The following PPARA variants were observed in gnomAD, a reference collection of about 807,000 sequenced individuals.
The protein encoded by PPARA is peroxisome proliferator activated receptor alpha.
PPARA carries 22 observed loss-of-function variants against 42.2 expected under a neutral mutation model. That is an observed-to-expected ratio of 0.52 (90% CI 0.37 to 0.74). The LOEUF (loss-of-function observed/expected upper bound fraction) is 0.74. Ranked by LOEUF, PPARA falls within the 30% of genes least tolerant of loss-of-function variation. The pLI, the probability that PPARA is intolerant of heterozygous loss-of-function variation, is 0.00. For missense variants in PPARA, 465 were observed against 608.2 expected (o/e 0.76, Z 2.48); for synonymous variants, 242 against 239.3 (o/e 1.01, Z -0.10).
intron 4 of PPARA, among the ~76,000 whole-genome samples, chr22:46,214,296 C>A (rs1934227048): frequency 6.6e-6 from 1 of 150,542 alleles, no homozygotes. Context: ...TGTGCGGGCC[C>A]GAGATGTGCG....
chr22:46,170,318 G>C (rs184315815), intron 2 of PPARA, among the ~76,000 whole-genome samples: 4 of 149,944 alleles, frequency 2.7e-5, no homozygotes, highest in East Asian at 3.9e-4. Context: ...GTGTGATCTT[G>C]GCTCACTCCT....
rs545674399 is a variant in PPARA, at chr22:46,180,629, C to T, written c.-43+3793C>T. Among the ~76,000 whole-genome samples the T allele has an allele frequency of 1.3e-5, 2 of 152,292 alleles. No individual in the cohort carries two copies. Among genetic ancestry groups the T allele is most frequent in the East Asian group, 1.9e-4 (1 of 5,192 alleles). ...GGCCTTTATTCTCACTTCTGTATGC[C>T]TGCTTCCTGCCTCACATATTTCCTG... On this transcript the variant is annotated intron_variant, in intron 3 of 8. Coordinates refer to ENST00000407236, the MANE Select transcript of PPARA (RefSeq NM_005036.6). This position sits in a 1 kb window ranked among gnomAD's most constrained non-coding sequence, Gnocchi z 4.2.
Position 46,196,982 on chromosome 22 carries a change from A to G in PPARA, c.-42-1360A>G, listed in dbSNP as rs1932317775. On this transcript the variant is annotated intron_variant, in intron 3 of 8. Transcript: ENST00000407236. The surrounding 1 kb of genome is among the most constrained non-coding windows in gnomAD (Gnocchi z 5.6). ...GTGATCTGCCCACCTGGGCCTCCCA[A>G]AGTGCTGGGATTACAGGCATGAGCC... is the stretch of plus-strand genomic sequence containing the variant. Among the ~76,000 whole-genome samples, 1 of 151,868 alleles carries G rather than the reference A, an allele frequency of 6.6e-6. No homozygotes were observed. The highest frequency in any genetic ancestry group is 1.5e-5 in the Non-Finnish European group (1 of 67,986).
chr22:46,218,432 G>A, intron 6 of PPARA, 31 bp downstream of exon 6: 1 of 1,613,884 alleles, frequency 6.2e-7, no homozygotes, highest in Non-Finnish European at 8.5e-7. Context: ...CATTTTCCCA[G>A]TTCGTTCCTC....
In PPARA at chr22:46,222,625, C is replaced by A. The variant is rs530979039; in HGVS notation, c.711+2611C>A. On this transcript the variant is annotated intron_variant, in intron 7 of 8. Transcript: ENST00000407236. The surrounding 1 kb of genome is among the most constrained non-coding windows in gnomAD (Gnocchi z 5.9). ...ATTACGAGAGTGAAAGAAAAGGTAACTTTTAGCTTCGAGTCTCTATCCTGG... is the reference window on the plus strand; with the variant it reads ...ATTACGAGAGTGAAAGAAAAGGTAAATTTTAGCTTCGAGTCTCTATCCTGG... 7.2e-5 allele frequency among the ~76,000 whole-genome samples: 11 copies of A among 152,200 alleles called. No individual in the cohort carries two copies. The highest frequency in any genetic ancestry group is 1.3e-4 in the Non-Finnish European group (9 of 68,042).
Position 46,200,817 on chromosome 22 carries a change from G to A in PPARA, c.208+2226G>A, listed in dbSNP as rs1460790512. On this transcript the variant is annotated intron_variant, in intron 4 of 8. Coordinates refer to ENST00000407236, the MANE Select transcript of PPARA (RefSeq NM_005036.6). The surrounding 1 kb of genome is among the most constrained non-coding windows in gnomAD (Gnocchi z 4.8). ...CCTGTAATCCCAGCTACTCTACTCA[G>A]GAGGCTGAGGCAGGGAGAATTGCTT... 6.6e-6 allele frequency among the ~76,000 whole-genome samples: 1 copy of A among 152,076 alleles called. No individual in the cohort carries two copies. Among genetic ancestry groups the A allele is most frequent in the Non-Finnish European group, 1.5e-5 (1 of 68,020 alleles).
intron 4 of PPARA, among the ~76,000 whole-genome samples, chr22:46,207,665 ATTATTATTATTATT>A (rs1384518667): frequency 2.4e-5 from 2 of 83,958 alleles, no homozygotes; most frequent in African/African-American, 1.0e-4. Context: ...TATTATTATT[ATTATTATTATTATT>A]TTTTTTTTTT....
rs752769361 is a variant in PPARA at position 46,219,881 on chromosome 22, A to G, written c.578A>G (p.His193Arg). The G allele has an allele frequency of 4.3e-6, 7 of 1,614,228 alleles. No homozygotes were observed. The highest frequency in any genetic ancestry group is 3.3e-5 in the South Asian group (3 of 91,082). Residue 193 changes from histidine (H) to arginine (R), a missense_variant, in exon 7 of 9, where the codon CAT (histidine) becomes CGT (arginine). His to Arg is a conservative substitution (Grantham distance 29, BLOSUM62 0). Transcript: ENST00000407236. This position sits in a 1 kb window ranked among gnomAD's most constrained non-coding sequence, Gnocchi z 4.8. Reference sequence around the variant, plus strand: ...AAAGCAGAAATTCTTACCTGTGAACATGACATAGAAGATTCTGAAACTGCA... The same window carrying G: ...AAAGCAGAAATTCTTACCTGTGAACGTGACATAGAAGATTCTGAAACTGCA... Reference protein sequence around the residue: ...KLKAEILTCEHDIEDSETADL... With the variant: ...KLKAEILTCERDIEDSETADL...
In PPARA at chr22:46,216,567, C is replaced by G. The variant is rs1402342401; in HGVS notation, c.369+1234C>G. ...AGACACAGAGTATCTTGCTTAGGGT[C>G]CCACAGCCCCCAGCAGCAGGGACTG... On this transcript the variant is annotated intron_variant, in intron 5 of 8. Coordinates refer to ENST00000407236, the MANE Select transcript of PPARA (RefSeq NM_005036.6). The surrounding 1 kb of genome is among the most constrained non-coding windows in gnomAD (Gnocchi z 4.5). 6.6e-6 allele frequency among the ~76,000 whole-genome samples: 1 copy of G among 152,166 alleles called. No homozygotes were observed. Among genetic ancestry groups the G allele is most frequent in the African/African-American group, 2.4e-5 (1 of 41,446 alleles).
rs1935401033 is a variant in PPARA, at chr22:46,225,920, CACAT to C, written c.712-5871_712-5868del. On this transcript the variant is annotated intron_variant, in intron 7 of 8. Coordinates refer to ENST00000407236, the MANE Select transcript of PPARA (RefSeq NM_005036.6). The surrounding 1 kb of genome is among the most constrained non-coding windows in gnomAD (Gnocchi z 4.1). Reference sequence around the variant, plus strand: ...GTACCCACACCTGTGTGTACACACACACATGCATGCTCACACACATGCACCCAGG... The same window carrying C: ...GTACCCACACCTGTGTGTACACACACGCATGCTCACACACATGCACCCAGG... Among the ~76,000 whole-genome samples the C allele has an allele frequency of 6.6e-6, 1 of 151,982 alleles. No homozygotes were observed. Among genetic ancestry groups the C allele is most frequent in the African/African-American group, 2.4e-5 (1 of 41,382 alleles).
chr22:46,174,913 T>C (rs558437287), intron 2 of PPARA, among the ~76,000 whole-genome samples: 31 of 152,062 alleles, frequency 2.0e-4, no homozygotes, highest in Non-Finnish European at 3.8e-4. Flanking sequence ...TGTAGTTTTT[T>C]TTACTTTTTT....
At chr22:46,207,120 G>A (rs1459668666) in intron 4 of PPARA, among the ~76,000 whole-genome samples, 1 of 151,618 alleles carries the variant, frequency 6.6e-6, no homozygotes, top group African/African-American at 2.4e-5. Context: ...CTACTTGGGA[G>A]GCTGAGACAG....
chr22:46,168,510 CAT>C (rs1927475569), intron 2 of PPARA, among the ~76,000 whole-genome samples: 1 of 151,366 alleles, frequency 6.6e-6, no homozygotes, highest in African/African-American at 2.4e-5. Flanking sequence ...ATTTACAAAA[CAT>C]ATATCTGACA....
At chr22:46,201,329 G>A (rs1288196737) in intron 4 of PPARA, among the ~76,000 whole-genome samples, 1 of 152,212 alleles carries the variant, frequency 6.6e-6, no homozygotes, top group Admixed American at 6.5e-5. Flanking sequence ...GAGGACTCTG[G>A]GGGGCCTTTG....
At chr22:46,217,372 C>T (rs1312458065) in intron 5 of PPARA, among the ~76,000 whole-genome samples, 1 of 152,180 alleles carries the variant, frequency 6.6e-6, no homozygotes, top group Non-Finnish European at 1.5e-5. Flanking sequence ...GAAAAAGCTC[C>T]TTATAAAGTG....
intron 7 of PPARA, among the ~76,000 whole-genome samples, chr22:46,226,116 C>T (rs1935427450): frequency 6.6e-6 from 1 of 152,228 alleles, no homozygotes; most frequent in African/African-American, 2.4e-5. Context: ...CTTATGCACA[C>T]ATGTACCCAC....
chr22:46,230,210 A>G lies in PPARA; in HGVS notation c.712-1582A>G, dbSNP rs371195445. Among the ~76,000 whole-genome samples, 13 of 152,278 alleles carry G rather than the reference A, an allele frequency of 8.5e-5. No individual in the cohort carries two copies. The East Asian group carries it at 2.3e-3, about 27-fold the overall frequency. On this transcript the variant is annotated intron_variant, in intron 7 of 8. Coordinates refer to ENST00000407236, the MANE Select transcript of PPARA (RefSeq NM_005036.6). The surrounding 1 kb of genome is among the most constrained non-coding windows in gnomAD (Gnocchi z 5.0). ...AACATGGTGTAACCCCGTCTCTACT[A>G]AAAATACAAAATTAGCTGGGCGTGG...
rs1928398139 is a variant in PPARA at position 46,173,417 on chromosome 22, G to A, written c.-126-3336G>A. ...GCACCCAGCTTCAGGATGGGACATG[G>A]GATATACCTCGAGTTAGAGGTTCTT... On this transcript the variant is annotated intron_variant, in intron 2 of 8. Transcript: ENST00000407236. This position sits in a 1 kb window ranked among gnomAD's most constrained non-coding sequence, Gnocchi z 4.3. Among the ~76,000 whole-genome samples, 1 of 152,122 alleles carries A rather than the reference G, an allele frequency of 6.6e-6. No individual in the cohort carries two copies. Among genetic ancestry groups the A allele is most frequent in the African/African-American group, 2.4e-5 (1 of 41,420 alleles).
In PPARA at chr22:46,161,581, T is replaced by G. The variant is rs1651925198; in HGVS notation, c.-127+9611T>G. Among the ~76,000 whole-genome samples the G allele has an allele frequency of 6.6e-6, 1 of 151,968 alleles. No homozygotes were observed. The highest frequency in any genetic ancestry group is 2.1e-4 in the South Asian group (1 of 4,816). The stretch of plus-strand genomic sequence containing the variant: ...AGCCTGGCAACAGCGAGACTCCATC[T>G]CAAAAATAATAAGTAAATAAATAAA... On this transcript the variant is annotated intron_variant, in intron 2 of 8. Transcript: ENST00000407236. The surrounding 1 kb of genome is among the most constrained non-coding windows in gnomAD (Gnocchi z 4.8).
Sources: allele counts gnomAD v4.1 joint callset (sites outside exome capture counted in the v4.1 genomes callset), GRCh38; gene constraint gnomAD v4.1.1; non-coding constraint Gnocchi (gnomAD v3.1); transcripts MANE v1.5; gene names NCBI Gene and HGNC (gene_info 2026-07-23, HGNC 2026-07-21).